Variants in ECE1 observed in about 807,000 individuals in gnomAD.
ECE1 encodes the protein endothelin converting enzyme 1.
Under a neutral mutation model 98.6 loss-of-function variants are expected in ECE1, and 35 were observed. That is an observed-to-expected ratio of 0.35 (90% CI 0.27 to 0.47). The LOEUF (loss-of-function observed/expected upper bound fraction) is 0.47. ECE1 is among the 20% of genes least tolerant of loss of function. The pLI is 1.00. For missense variants in ECE1, 814 were observed against 1,025.3 expected, an observed-to-expected ratio of 0.79 and a Z score of 2.81; for synonymous variants, 394 against 407.1, an observed-to-expected ratio of 0.97 and a Z score of 0.39.
At chr1:21,277,088 G>A (rs3026863) in intron 3 of ECE1, among the ~76,000 whole-genome samples, 44 of 152,232 alleles carry the variant, frequency 2.9e-4, no homozygotes, top group African/African-American at 9.6e-4. Context: ...GGGTAATGAG[G>A]TTACTGTTAA....
intron 1 of ECE1, among the ~76,000 whole-genome samples, chr1:21,339,787 C>G (rs1202329177): frequency 6.6e-6 from 1 of 152,056 alleles, no homozygotes; most frequent in Non-Finnish European, 1.5e-5. Flanking sequence ...CACCTCCCCC[C>G]AGGAAGTCCA....
intron 1 of ECE1, among the ~76,000 whole-genome samples, chr1:21,318,652 C>T (rs757525498): frequency 5.9e-5 from 9 of 152,068 alleles, no homozygotes; most frequent in Non-Finnish European, 1.3e-4. Context: ...ACTTCACAAG[C>T]CTATCCAAGC....
intron 1 of ECE1, among the ~76,000 whole-genome samples, chr1:21,330,476 C>G (rs1408424287): frequency 6.6e-6 from 1 of 151,918 alleles, no homozygotes; most frequent in Admixed American, 6.6e-5. Context: ...AGTGACCCAC[C>G]CATCGCAGCC....
intron 16 of ECE1, among the ~76,000 whole-genome samples, chr1:21,226,955 C>G (rs961886753): frequency 1.1e-4 from 16 of 152,210 alleles, no homozygotes; most frequent in African/African-American, 3.9e-4. Context: ...AACTCCTGAC[C>G]TCAGGTGATC....
rs1393554100 is a variant in ECE1, at chr1:21,264,028, C to T, written c.494-3636G>A. Among the ~76,000 whole-genome samples the T allele has an allele frequency of 3.9e-5, 6 of 152,170 alleles. No individual in the cohort carries two copies. In the East Asian group the frequency reaches 5.8e-4, roughly 15 times the overall value. On this transcript the variant is annotated intron_variant, in intron 4 of 18. Transcript: ENST00000374893. ...GCCAGGATGGCGGCAGAGAAGGGGG[C>T]GAGAAGTATTTGGAACATGAGAGAA... is the stretch of plus-strand genomic sequence containing the variant.
intron 1 of ECE1, among the ~76,000 whole-genome samples, chr1:21,328,112 T>C (rs574196618): frequency 6.6e-6 from 1 of 152,344 alleles, no homozygotes; most frequent in African/African-American, 2.4e-5. Context: ...ATTGCTGCTA[T>C]AGGTCACTCA....
At position 21,345,305 on chromosome 1, in the gene ECE1, C is replaced by T; in HGVS notation, c.3+71G>A. 2 of 1,326,446 alleles carry T rather than the reference C, an allele frequency of 1.5e-6. No homozygotes were observed. Among genetic ancestry groups the T allele is most frequent in the Non-Finnish European group, 9.7e-7 (1 of 1,030,720 alleles). The allele number at this position is 1,326,446 out of a possible 1,614,324, so 82.2% of individuals were successfully genotyped here. ...CGAGCCAGGGCGGCCCCGGGTGCCA[C>T]CCGCGGCACCGCTGCCCGCGACCGT... On this transcript the variant is annotated intron_variant, in intron 1 of 18. Coordinates refer to the ECE1 transcript ENST00000415912. The surrounding 1 kb of genome is among the most constrained non-coding windows in gnomAD (Gnocchi z 5.1).
rs13306311 is a variant in ECE1 at position 21,228,126 on chromosome 1, G to A, written c.1671-85C>T. 2,888 of 1,043,348 alleles carry A rather than the reference G, an allele frequency of 2.8e-3. 103 individuals are homozygous for A. The East Asian group carries it at 0.071, about 26-fold the overall frequency. The allele number at this position is 1,043,348 out of a possible 1,614,324, so 64.6% of individuals were successfully genotyped here. ...CTGCCTGGAGCGCTGCTTGGGGATC[G>A]GGAATAAGGGCATTAAAAATGCAGA... On this transcript the variant is annotated intron_variant, in intron 14 of 18. Transcript: ENST00000374893.
intron 10 of ECE1, among the ~76,000 whole-genome samples, chr1:21,238,803 C>T (rs529815161): frequency 1.1e-4 from 17 of 152,148 alleles, no homozygotes; most frequent in African/African-American, 4.1e-4. Context: ...AGCAACACCG[C>T]AGGACTTTTT....
intron 2 of ECE1, 71 bp downstream of exon 2, chr1:21,289,999 G>GGGGGGGGGGGGGGGGGGGGGGGGC: frequency 8.0e-7 from 1 of 1,257,116 alleles, no homozygotes; most frequent in Non-Finnish European, 1.0e-6. Context: ...GGGGCGGGGG[G>GGGGGGGGGGGGGGGGGGGGGGGGC]CGCGGCAGCG....
In ECE1 at chr1:21,345,314, C is replaced by T; in HGVS notation, c.3+62G>A. On this transcript the variant is annotated intron_variant, in intron 1 of 18. Transcript: ENST00000415912. This position sits in a 1 kb window ranked among gnomAD's most constrained non-coding sequence, Gnocchi z 5.1. ...GCGGCCCCGGGTGCCACCCGCGGCA[C>T]CGCTGCCCGCGACCGTCGAGGCTGG... is the stretch of plus-strand genomic sequence containing the variant. The T allele has an allele frequency of 7.5e-7, 1 of 1,339,620 alleles. No individual in the cohort carries two copies. The highest frequency in any genetic ancestry group is 2.7e-5 in the Admixed American group (1 of 37,366). 83.0% of individuals were successfully genotyped at this position (1,339,620 alleles called of 1,614,324 possible).
At chr1:21,328,200 C>A (rs189738970) in intron 1 of ECE1, among the ~76,000 whole-genome samples, 1 of 152,340 alleles carries the variant, frequency 6.6e-6, no homozygotes, top group African/African-American at 2.4e-5. Context: ...TAACACTTAA[C>A]ACATCTTTCA....
chr1:21,272,593 A>G (rs2098241507), intron 4 of ECE1, 106 bp downstream of exon 4: 1 of 1,412,996 alleles, frequency 7.1e-7, no homozygotes, highest in Non-Finnish European at 9.8e-7. Context: ...TGCCCGGCCC[A>G]TTCTGCCAAG....
chr1:21,284,206 G>C (rs1202100986), intron 2 of ECE1, among the ~76,000 whole-genome samples: 1 of 152,202 alleles, frequency 6.6e-6, no homozygotes, highest in African/African-American at 2.4e-5. Context: ...AGCATGGGGA[G>C]ATGTGACTGG....
intron 9 of ECE1, 57 bp from the exon 10 acceptor site, chr1:21,245,160 C>T: frequency 4.7e-6 from 7 of 1,499,280 alleles, no homozygotes; most frequent in Non-Finnish European, 6.5e-6. Context: ...AGGATTGCGG[C>T]CCTTCCCCTG....
rs1573941139 is a variant in ECE1, at chr1:21,233,814, G to A, written c.1567-153C>T. Among the ~76,000 whole-genome samples, 1 of 151,900 alleles carries A rather than the reference G, an allele frequency of 6.6e-6. No individual in the cohort carries two copies. On this transcript the variant is annotated intron_variant, in intron 13 of 18. Coordinates refer to ENST00000374893, the MANE Select transcript of ECE1 (RefSeq NM_001397.3). This position sits in a 1 kb window ranked among gnomAD's most constrained non-coding sequence, Gnocchi z 4.0. ...GGGCTGCAGGGTCAGCTCTTCTCTT[G>A]GCCTTCACCCTGGGGCACGAGATGG...
intron 8 of ECE1, among the ~76,000 whole-genome samples, chr1:21,250,250 C>T (rs1308808372): frequency 1.3e-5 from 2 of 152,174 alleles, no homozygotes; most frequent in African/African-American, 4.8e-5. Context: ...TTGTGATTGG[C>T]TTATTTCGCT....
At chr1:21,306,628 C>T (rs748006668) in intron 1 of ECE1, among the ~76,000 whole-genome samples, 22 of 152,124 alleles carry the variant, frequency 1.4e-4, no homozygotes, top group Non-Finnish European at 2.8e-4. Context: ...CCACTGCACC[C>T]GGCCATATTA....
intron 8 of ECE1, among the ~76,000 whole-genome samples, chr1:21,250,163 C>T (rs1006254169): frequency 7.2e-5 from 11 of 152,098 alleles, no homozygotes; most frequent in African/African-American, 2.7e-4. Context: ...CTGGAAACTA[C>T]CATTCTACTT....
Sources: gnomAD v4.1 joint callset for allele counts (sites outside exome capture counted in the v4.1 genomes callset) on GRCh38, gnomAD v4.1.1 for gene constraint, Gnocchi (gnomAD v3.1) non-coding constraint, MANE v1.5 for transcripts, NCBI Gene and HGNC (gene_info 2026-07-23, HGNC 2026-07-21) for gene names.